The following INPP4B variants were observed in gnomAD, a reference collection of about 807,000 sequenced individuals.
INPP4B encodes the protein inositol polyphosphate 4-phosphatase type II.
A neutral mutation model predicts 122.5 loss-of-function variants in INPP4B; 55 were observed. The ratio of observed to expected loss-of-function variants is 0.45; its 90% CI spans 0.36 to 0.56. INPP4B has a LOEUF of 0.56. Ranked by LOEUF, INPP4B falls within the 20% of genes least tolerant of loss-of-function variation. The probability of loss-of-function intolerance (pLI) is 0.00; values close to 1 mark genes in which losing one functional copy is unlikely to be tolerated. For missense variants in INPP4B, 1,000 were observed against 1,097.7 expected, an observed-to-expected ratio of 0.91 and a Z score of 1.26; for synonymous variants, 403 against 388.7, an observed-to-expected ratio of 1.04 and a Z score of -0.43.
intron 1 of INPP4B, among the ~76,000 whole-genome samples, chr4:142,816,233 A>G (rs1403709726): frequency 6.6e-6 from 1 of 152,164 alleles, no homozygotes; most frequent in Non-Finnish European, 1.5e-5. Context: ...TAGGGTTGTA[A>G]GATTTAGAGA....
intron 16 of INPP4B, among the ~76,000 whole-genome samples, chr4:142,170,683 A>G (rs1353858794): frequency 6.6e-6 from 1 of 151,812 alleles, no homozygotes; most frequent in African/African-American, 2.4e-5. Flanking sequence ...TCTCAGAGTT[A>G]TTAAGCCACC....
At chr4:142,325,307 A>G (rs1771902742) in intron 7 of INPP4B, among the ~76,000 whole-genome samples, 1 of 151,848 alleles carries the variant, frequency 6.6e-6, no homozygotes, top group Admixed American at 6.5e-5. Flanking sequence ...CTATGGTTAT[A>G]TGTAACTGGA....
At chr4:142,056,965 G>T (rs562820328) in intron 25 of INPP4B, among the ~76,000 whole-genome samples, 1 of 152,048 alleles carries the variant, frequency 6.6e-6, no homozygotes, top group Non-Finnish European at 1.5e-5. Context: ...AACTCTGAAG[G>T]CTCTGATTAG....
intron 7 of INPP4B, among the ~76,000 whole-genome samples, chr4:142,362,838 G>C (rs1364456934): frequency 6.6e-6 from 1 of 151,988 alleles, no homozygotes; most frequent in South Asian, 2.1e-4. Flanking sequence ...TTTCCAAACG[G>C]AAGGAAGGAG....
Position 142,503,141 on chromosome 4 carries a change from T to A in INPP4B, c.-190-40415A>T, listed in dbSNP as rs1199024623. Among the ~76,000 whole-genome samples, 3 of 152,172 alleles carry A rather than the reference T, an allele frequency of 2.0e-5. No homozygotes were observed. The South Asian group carries it at 6.2e-4, about 32-fold the overall frequency. Reference sequence around the variant, plus strand: ...GCAATAATATATAGAGTGTCATTCATGTACTGTGTATAAAGAAAATGCTTG... The same window carrying A: ...GCAATAATATATAGAGTGTCATTCAAGTACTGTGTATAAAGAAAATGCTTG... On this transcript the variant is annotated intron_variant, in intron 2 of 25. Transcript: ENST00000262992.
chr4:142,824,614 A>G (rs916459476), intron 1 of INPP4B, among the ~76,000 whole-genome samples: 3 of 152,156 alleles, frequency 2.0e-5, no homozygotes, highest in Admixed American at 6.6e-5. Context: ...CTTTCTCTGC[A>G]CAGTATCAGA....
chr4:142,596,151 C>CT (rs1231771033), intron 2 of INPP4B, among the ~76,000 whole-genome samples: 4 of 151,994 alleles, frequency 2.6e-5, no homozygotes, highest in South Asian at 2.1e-4. Flanking sequence ...AGCCAAATTT[C>CT]TTTTTTTTAA....
chr4:142,623,176 G>A (rs954534702), intron 2 of INPP4B, among the ~76,000 whole-genome samples: 2 of 151,860 alleles, frequency 1.3e-5, no homozygotes, highest in African/African-American at 4.8e-5. Flanking sequence ...TATACACAGA[G>A]TCTGTACAAC....
At chr4:142,544,438 G>A (rs1829317810) in intron 2 of INPP4B, among the ~76,000 whole-genome samples, 1 of 152,116 alleles carries the variant, frequency 6.6e-6, no homozygotes, top group African/African-American at 2.4e-5. Flanking sequence ...TGAGCTGGTT[G>A]CTGCAGCTGG....
Position 142,340,185 on chromosome 4 carries a change from T to C in INPP4B, c.373-25423A>G, listed in dbSNP as rs1227912699. Among the ~76,000 whole-genome samples, 6 of 152,292 alleles carry C rather than the reference T, an allele frequency of 3.9e-5. No individual in the cohort carries two copies. The East Asian group carries it at 5.8e-4, about 15-fold the overall frequency. ...GTGTCTCTTGGGAGGGAAATAACCA[T>C]GGAGGCCTCTCCATCTGTTCATTGA... On this transcript the variant is annotated intron_variant, in intron 7 of 25. Transcript: ENST00000262992.
At chr4:142,308,299 T>C (rs550781511) in intron 8 of INPP4B, among the ~76,000 whole-genome samples, 1 of 152,324 alleles carries the variant, frequency 6.6e-6, no homozygotes, top group Non-Finnish European at 1.5e-5. Context: ...CATCATACCA[T>C]TACATTTCGT....
chr4:142,235,415 C>A (rs1417494522), intron 12 of INPP4B, among the ~76,000 whole-genome samples: 1 of 151,422 alleles, frequency 6.6e-6, no homozygotes, highest in Non-Finnish European at 1.5e-5. Flanking sequence ...TGTTTTATGA[C>A]ATGTCATTAT....
At chr4:142,068,278 T>C (rs1342826667) in intron 25 of INPP4B, among the ~76,000 whole-genome samples, 1 of 152,112 alleles carries the variant, frequency 6.6e-6, no homozygotes, top group Non-Finnish European at 1.5e-5. Flanking sequence ...GACAAAACAA[T>C]GCTGAGAGAT....
intron 25 of INPP4B, among the ~76,000 whole-genome samples, chr4:142,035,661 T>C (rs1302772232): frequency 6.6e-6 from 1 of 152,208 alleles, no homozygotes; most frequent in Non-Finnish European, 1.5e-5. Context: ...CCCCAGACTA[T>C]ATTTGGGTAA....
chr4:142,579,607 T>G lies in INPP4B; in HGVS notation c.-190-116881A>C, dbSNP rs2150193487. ...GTGAATAGAATAAAATGTTAGACCC[T>G]CCCTCAAGTAATGGAGGATTCTTTC... On this transcript the variant is annotated intron_variant, in intron 2 of 25. Coordinates refer to ENST00000262992, the MANE Select transcript of INPP4B (RefSeq NM_001101669.3). 1.3e-5 allele frequency among the ~76,000 whole-genome samples: 2 copies of G among 151,920 alleles called. 1 individual carries two copies. Among genetic ancestry groups the G allele is most frequent in the South Asian group, 4.2e-4 (2 of 4,806 alleles).
chr4:142,471,457 A>ACACAT (rs1818811944), intron 2 of INPP4B, among the ~76,000 whole-genome samples: 1 of 152,224 alleles, frequency 6.6e-6, no homozygotes, highest in Non-Finnish European at 1.5e-5. Context: ...TTACAAGTTC[A>ACACAT]CACATCACCA....
At chr4:142,282,106 G>T (rs1193484877) in intron 9 of INPP4B, among the ~76,000 whole-genome samples, 1 of 152,060 alleles carries the variant, frequency 6.6e-6, no homozygotes, top group Non-Finnish European at 1.5e-5. Flanking sequence ...ATTAAGCAGG[G>T]TAAAAGGTGG....
chr4:142,628,972 C>G (rs557183084), intron 2 of INPP4B, among the ~76,000 whole-genome samples: 1 of 152,078 alleles, frequency 6.6e-6, no homozygotes, highest in Admixed American at 6.6e-5. Context: ...ACCTCTCTCA[C>G]ATTTTATTTA....
intron 25 of INPP4B, among the ~76,000 whole-genome samples, chr4:142,078,208 T>C (rs1033800052): frequency 7.2e-5 from 11 of 152,050 alleles, no homozygotes; most frequent in Non-Finnish European, 1.2e-4. Context: ...CTGAATTTTT[T>C]GACAATTGTA....
Sources: allele counts gnomAD v4.1 joint callset (sites outside exome capture counted in the v4.1 genomes callset), GRCh38; gene constraint gnomAD v4.1.1; transcripts MANE v1.5; gene names NCBI Gene and HGNC (gene_info 2026-07-23, HGNC 2026-07-21).